CDK14: variants seen among roughly 807,000 people sequenced by gnomAD.
The protein encoded by CDK14 is cyclin-dependent kinase 14.
CDK14 carries 34 observed loss-of-function variants against 60.7 expected under a neutral mutation model. That is an observed-to-expected ratio of 0.56 (90% CI 0.43 to 0.75). The LOEUF (loss-of-function observed/expected upper bound fraction) is 0.75, where lower values mean the gene tolerates loss of function less well. Among genes scored for constraint, CDK14 ranks in the 30% least tolerant of loss-of-function variants. The pLI, the probability that CDK14 is intolerant of heterozygous loss-of-function variation, is 0.00. For missense variants in CDK14, 482 were observed against 564.1 expected (o/e 0.85, Z 1.47); for synonymous variants, 197 against 203.7 (o/e 0.97, Z 0.28).
intron 11 of CDK14, among the ~76,000 whole-genome samples, chr7:91,068,160 G>A (rs962024375): frequency 6.6e-6 from 1 of 152,166 alleles, no homozygotes; most frequent in African/African-American, 2.4e-5. Context: ...ACACCAACTG[G>A]CTGAATTATG....
At chr7:90,739,902 C>G (rs1803273919) in intron 3 of CDK14, among the ~76,000 whole-genome samples, 1 of 152,116 alleles carries the variant, frequency 6.6e-6, no homozygotes, top group Admixed American at 6.6e-5. Context: ...GTGTGACATT[C>G]ACAAGCTGTT....
At chr7:91,063,132 A>G (rs1042107535) in intron 11 of CDK14, among the ~76,000 whole-genome samples, 1 of 152,228 alleles carries the variant, frequency 6.6e-6, no homozygotes, top group Non-Finnish European at 1.5e-5. Flanking sequence ...CTCATCTCCC[A>G]TAGTAGGTTC....
At chr7:90,958,867 T>A (rs1012403) in intron 9 of CDK14, among the ~76,000 whole-genome samples, 1 of 152,104 alleles carries the variant, frequency 6.6e-6, no homozygotes, top group Non-Finnish European at 1.5e-5. Context: ...AGTTGCTTGG[T>A]AGTTCAGTTA....
chr7:90,708,454 C>T (rs937574467), intron 2 of CDK14, among the ~76,000 whole-genome samples: 1 of 152,090 alleles, frequency 6.6e-6, no homozygotes, highest in Admixed American at 6.6e-5. Flanking sequence ...AGATAGCTTT[C>T]TCTTTTGACT....
chr7:90,858,735 G>A (rs1790910203), intron 5 of CDK14, among the ~76,000 whole-genome samples: 1 of 152,154 alleles, frequency 6.6e-6, no homozygotes, highest in Admixed American at 6.6e-5. Context: ...GAGGATGTGT[G>A]CACCTCAGAA....
At chr7:90,716,252 C>G (rs757523331) in intron 2 of CDK14, 8 of 151,926 alleles carry the variant, frequency 5.3e-5, no homozygotes, top group Non-Finnish European at 1.2e-4. Flanking sequence ...GCCAAAGACT[C>G]CCCTCACACC....
At chr7:90,631,518 C>G (rs115482538) in intron 2 of CDK14, among the ~76,000 whole-genome samples, 17 of 152,214 alleles carry the variant, frequency 1.1e-4, no homozygotes, top group African/African-American at 3.9e-4. Flanking sequence ...AGACTAGGGG[C>G]CACTATTGTA....
chr7:90,713,371 A>C (rs1214787647), intron 2 of CDK14, among the ~76,000 whole-genome samples: 1 of 152,092 alleles, frequency 6.6e-6, no homozygotes, highest in East Asian at 1.9e-4. Flanking sequence ...AAGATTCAAC[A>C]TAGCAATATC....
chr7:90,674,317 AGGTGGCTGGG>A (rs1350001832), intron 2 of CDK14, among the ~76,000 whole-genome samples: 12 of 152,196 alleles, frequency 7.9e-5, no homozygotes, highest in Admixed American at 5.2e-4. Flanking sequence ...TAGCTGGTGG[AGGTGGCTGGG>A]GGCCAGTTGC....
intron 5 of CDK14, among the ~76,000 whole-genome samples, chr7:90,825,528 G>C (rs1789693305): frequency 1.3e-5 from 2 of 152,288 alleles, no homozygotes; most frequent in South Asian, 4.2e-4. Flanking sequence ...ATCTTACTTA[G>C]AGTGGTCATT....
chr7:90,905,529 CA>C (rs1200761478), intron 7 of CDK14, among the ~76,000 whole-genome samples: 2 of 151,978 alleles, frequency 1.3e-5, no homozygotes, highest in African/African-American at 4.8e-5. Flanking sequence ...TAAAACAAAA[CA>C]AAACAAAAAA....
intron 8 of CDK14, among the ~76,000 whole-genome samples, chr7:90,949,183 GTTTT>G (rs971248268): frequency 6.6e-6 from 1 of 151,810 alleles, no homozygotes; most frequent in Non-Finnish European, 1.5e-5. Context: ...TGTGTGTATA[GTTTT>G]TTTATTTGTT....
At chr7:91,003,431 G>A (rs1454780644) in intron 10 of CDK14, among the ~76,000 whole-genome samples, 2 of 152,046 alleles carry the variant, frequency 1.3e-5, no homozygotes, top group Non-Finnish European at 2.9e-5. Context: ...GTATTGGTTT[G>A]CCTACTGAAA....
At chr7:90,920,724 C>A (rs11983262) in intron 8 of CDK14, among the ~76,000 whole-genome samples, 25,410 of 152,152 alleles carry the variant, frequency 0.17, 2,221 homozygotes, top group African/African-American at 0.21. Flanking sequence ...ATATGACACC[C>A]ATGCTTTATA....
At chr7:90,815,466 G>A (rs1302864343) in intron 5 of CDK14, among the ~76,000 whole-genome samples, 1 of 152,170 alleles carries the variant, frequency 6.6e-6, no homozygotes, top group African/African-American at 2.4e-5. Flanking sequence ...TTACACTATT[G>A]GTGGAGTGTA....
At chr7:90,713,481 T>C (rs1034614558) in intron 2 of CDK14, among the ~76,000 whole-genome samples, 1 of 152,030 alleles carries the variant, frequency 6.6e-6, no homozygotes, top group African/African-American at 2.4e-5. Context: ...TTTTCTGTTA[T>C]GGCCTGACTT....
intron 8 of CDK14, among the ~76,000 whole-genome samples, chr7:90,942,180 C>T (rs1049449290): frequency 2.0e-5 from 3 of 152,122 alleles, no homozygotes; most frequent in South Asian, 4.2e-4. Context: ...TGACTAGGGC[C>T]GGATTCTCTG....
intron 14 of CDK14, among the ~76,000 whole-genome samples, chr7:91,129,463 G>C (rs556689209): frequency 1.3e-5 from 2 of 152,244 alleles, no homozygotes; most frequent in African/African-American, 4.8e-5. Flanking sequence ...TGGGAAGTTT[G>C]CCTAAGTCAT....
intron 5 of CDK14, among the ~76,000 whole-genome samples, chr7:90,850,750 G>A (rs1468882858): frequency 3.9e-5 from 6 of 152,054 alleles, no homozygotes; most frequent in South Asian, 2.1e-4. Flanking sequence ...CCTGTTGTGC[G>A]GGCTCTTCTA....
Sources: gnomAD v4.1 joint callset for allele counts (sites outside exome capture counted in the v4.1 genomes callset) on GRCh38, gnomAD v4.1.1 for gene constraint, MANE v1.5 for transcripts, NCBI Gene and HGNC (gene_info 2026-07-23, HGNC 2026-07-21) for gene names.